FCHSD2: variants seen among roughly 807,000 people sequenced by gnomAD.
The protein encoded by FCHSD2 is FCH and double SH3 domains 2.
In FCHSD2, 38 loss-of-function variants were observed where a neutral mutation model predicts 108.1. The observed-to-expected ratio is 0.35, with a 90% CI of 0.27 to 0.46. The LOEUF (loss-of-function observed/expected upper bound fraction) is 0.46. FCHSD2 is among the 20% of genes least tolerant of loss of function. The pLI, the probability that FCHSD2 is intolerant of heterozygous loss-of-function variation, is 1.00. For missense variants in FCHSD2, 751 were observed against 897.8 expected (o/e 0.84, Z 2.09); for synonymous variants, 279 against 314.7 (o/e 0.89, Z 1.20).
chr11:73,111,194 A>G (rs1860476736), intron 2 of FCHSD2, among the ~76,000 whole-genome samples: 1 of 152,170 alleles, frequency 6.6e-6, no homozygotes, highest in Non-Finnish European at 1.5e-5. Context: ...CATTCGGTCT[A>G]TAGTACAGAT....
chr11:72,871,033 T>C (rs1417685762), intron 12 of FCHSD2, among the ~76,000 whole-genome samples: 1 of 152,180 alleles, frequency 6.6e-6, no homozygotes, highest in East Asian at 1.9e-4. Flanking sequence ...ATAGCAGAGA[T>C]TGAGAATAAA....
chr11:72,941,286 T>C (rs564760860), intron 8 of FCHSD2, among the ~76,000 whole-genome samples: 1 of 152,130 alleles, frequency 6.6e-6, no homozygotes, highest in Non-Finnish European at 1.5e-5. Flanking sequence ...ATTTGTTAAA[T>C]TATGAATTAA....
chr11:73,015,672 A>C, intron 4 of FCHSD2, 137 bp downstream of exon 4: 1 of 512,730 alleles, frequency 2.0e-6, no homozygotes, highest in South Asian at 3.5e-5. Context: ...AATTTTGATA[A>C]TTTTGAAATT....
intron 3 of FCHSD2, among the ~76,000 whole-genome samples, chr11:73,026,829 TAA>T (rs1338065489): frequency 6.6e-6 from 1 of 152,132 alleles, no homozygotes; most frequent in Non-Finnish European, 1.5e-5. Flanking sequence ...TCTAATGGTT[TAA>T]AAGTTTGGCA....
At chr11:72,955,654 A>G (rs1410981101) in intron 8 of FCHSD2, among the ~76,000 whole-genome samples, 1 of 152,072 alleles carries the variant, frequency 6.6e-6, no homozygotes, top group African/African-American at 2.4e-5. Context: ...TTCTCCTATG[A>G]CCCAGGAAAC....
At chr11:73,002,114 T>C (rs1857637415) in intron 4 of FCHSD2, among the ~76,000 whole-genome samples, 1 of 152,136 alleles carries the variant, frequency 6.6e-6, no homozygotes, top group Admixed American at 6.5e-5. Flanking sequence ...CACAGCAACA[T>C]GTGGGACTAA....
At chr11:73,016,499 T>C (rs1591484729) in intron 3 of FCHSD2, among the ~76,000 whole-genome samples, 1 of 152,196 alleles carries the variant, frequency 6.6e-6, no homozygotes, top group Non-Finnish European at 1.5e-5. Context: ...TTTTAACTAT[T>C]TGACTAGCCA....
Position 72,843,007 on chromosome 11 carries a change from C to A in FCHSD2, c.1705+144G>T, listed in dbSNP as rs769191117. On this transcript the variant is annotated intron_variant, in intron 16 of 19. Coordinates refer to ENST00000409418, the MANE Select transcript of FCHSD2 (RefSeq NM_014824.3). The stretch of plus-strand genomic sequence containing the variant: ...TGATTAACTTTAGGGTTCTACTGTG[C>A]AGGACAAACGTGACCATATAAAGAA... The A allele has an allele frequency of 1.9e-5, 17 of 914,956 alleles. No homozygotes were observed. Among genetic ancestry groups the A allele is most frequent in the Non-Finnish European group, 2.7e-5 (16 of 602,606 alleles). 56.7% of individuals were successfully genotyped at this position (914,956 alleles called of 1,614,324 possible). A position where few individuals can be genotyped will look rare whatever the true frequency, so the allele number is the denominator to read the frequency against.
intron 2 of FCHSD2, among the ~76,000 whole-genome samples, chr11:73,107,469 C>T (rs917148556): frequency 1.3e-5 from 2 of 152,132 alleles, no homozygotes; most frequent in African/African-American, 2.4e-5. Context: ...GGGTATCCAT[C>T]GCCTCAAGCA....
At chr11:72,984,276 G>C in intron 7 of FCHSD2, 60 bp from the exon 8 acceptor site, 1 of 1,530,954 alleles carries the variant, frequency 6.5e-7, no homozygotes, top group Non-Finnish European at 9.0e-7. Flanking sequence ...AAAACACATA[G>C]GAATCCTACT....
chr11:72,890,058 A>T, intron 10 of FCHSD2, 113 bp from the exon 11 acceptor site: 1 of 633,538 alleles, frequency 1.6e-6, no homozygotes, highest in Non-Finnish European at 2.8e-6. Context: ...AACATGAGGC[A>T]CGCTCCACTA....
intron 3 of FCHSD2, among the ~76,000 whole-genome samples, chr11:73,055,351 A>C (rs1338599523): frequency 6.6e-6 from 1 of 152,162 alleles, no homozygotes; most frequent in Admixed American, 6.5e-5. Flanking sequence ...TCGAAAAAAA[A>C]AAAAAATTCT....
intron 12 of FCHSD2, among the ~76,000 whole-genome samples, chr11:72,873,350 T>C (rs536368812): frequency 5.9e-5 from 9 of 152,108 alleles, no homozygotes; most frequent in East Asian, 3.9e-4. Flanking sequence ...AAAATGAATC[T>C]TTTCATGTGC....
At chr11:72,912,484 T>C (rs935202409) in intron 9 of FCHSD2, among the ~76,000 whole-genome samples, 2 of 152,256 alleles carry the variant, frequency 1.3e-5, no homozygotes, top group East Asian at 3.8e-4. Context: ...CACTTGGTCA[T>C]GATGAATAAT....
At chr11:73,102,668 C>T (rs1324560568) in intron 2 of FCHSD2, among the ~76,000 whole-genome samples, 1 of 152,138 alleles carries the variant, frequency 6.6e-6, no homozygotes, top group Non-Finnish European at 1.5e-5. Flanking sequence ...GAGATTAATG[C>T]CATTATAAAA....
chr11:73,010,115 T>G (rs1857830110), intron 4 of FCHSD2, among the ~76,000 whole-genome samples: 1 of 152,212 alleles, frequency 6.6e-6, no homozygotes, highest in African/African-American at 2.4e-5. Flanking sequence ...TCTTTTTGAC[T>G]GCTTGGGTTA....
At chr11:73,004,922 G>A (rs1163747709) in intron 4 of FCHSD2, among the ~76,000 whole-genome samples, 1 of 152,102 alleles carries the variant, frequency 6.6e-6, no homozygotes, top group Non-Finnish European at 1.5e-5. Flanking sequence ...ACTATCAGAA[G>A]GCAATGTCCA....
chr11:73,065,274 G>T (rs1859264845), intron 3 of FCHSD2, among the ~76,000 whole-genome samples: 1 of 152,132 alleles, frequency 6.6e-6, no homozygotes, highest in African/African-American at 2.4e-5. Context: ...TATCTCAATA[G>T]ATGCAGAAAA....
intron 3 of FCHSD2, among the ~76,000 whole-genome samples, chr11:73,027,074 A>T (rs1046747932): frequency 2.0e-5 from 3 of 152,188 alleles, no homozygotes; most frequent in Non-Finnish European, 4.4e-5. Flanking sequence ...TTCTATAAAA[A>T]TACCTGAAAA....
Sources: gnomAD v4.1 joint callset for allele counts (sites outside exome capture counted in the v4.1 genomes callset) on GRCh38, gnomAD v4.1.1 for gene constraint, MANE v1.5 for transcripts, NCBI Gene and HGNC (gene_info 2026-07-23, HGNC 2026-07-21) for gene names.